ZFHX3: variants seen among roughly 807,000 people sequenced by gnomAD.
The protein encoded by ZFHX3 is zinc finger homeobox protein 3.
A neutral mutation model predicts 279.1 loss-of-function variants in ZFHX3; 42 were observed. The ratio of observed to expected loss-of-function variants is 0.15; its 90% CI spans 0.12 to 0.19. The LOEUF is 0.19. Among genes scored for constraint, ZFHX3 ranks in the 10% least tolerant of loss-of-function variants. ZFHX3 has a pLI of 1.00. For synonymous variants in ZFHX3, 2,293 were observed against 1,957.8 expected (o/e 1.17, Z -4.52); for missense variants, 4,981 against 4,754.0 (o/e 1.05, Z -1.40).
intron 2 of ZFHX3, among the ~76,000 whole-genome samples, chr16:73,480,922 C>T (rs2018854042): frequency 6.6e-6 from 1 of 152,188 alleles, no homozygotes; most frequent in Non-Finnish European, 1.5e-5. Flanking sequence ...AATCACCCAA[C>T]AGAATGTTAT....
chr16:73,658,404 C>T (rs1392420683), intron 2 of ZFHX3, among the ~76,000 whole-genome samples: 1 of 152,134 alleles, frequency 6.6e-6, no homozygotes, highest in Admixed American at 6.5e-5. Context: ...TTCCTGGGTT[C>T]AAGCAATTCT....
chr16:73,435,073 G>C (rs1392770424), intron 3 of ZFHX3, among the ~76,000 whole-genome samples: 2 of 152,046 alleles, frequency 1.3e-5, no homozygotes, highest in Non-Finnish European at 2.9e-5. Flanking sequence ...GAACTGGCTG[G>C]CTGGCTGGCT....
chr16:73,811,142 C>A (rs1205584685), intron 1 of ZFHX3, among the ~76,000 whole-genome samples: 1 of 152,160 alleles, frequency 6.6e-6, no homozygotes, highest in Non-Finnish European at 1.5e-5. Flanking sequence ...TACCAGAACT[C>A]CTACCCTCTA....
intron 6 of ZFHX3, among the ~76,000 whole-genome samples, chr16:73,139,500 A>T (rs1440164797): frequency 6.6e-6 from 1 of 152,266 alleles, no homozygotes; most frequent in Non-Finnish European, 1.5e-5. Flanking sequence ...TCAGAAAAAT[A>T]AAGCTTAAAG....
chr16:73,222,018 T>C (rs1597227820), intron 5 of ZFHX3, among the ~76,000 whole-genome samples: 1 of 152,130 alleles, frequency 6.6e-6, no homozygotes, highest in Non-Finnish European at 1.5e-5. Flanking sequence ...AAATTTTCCC[T>C]ATTATACATA....
At chr16:73,694,980 G>A (rs1455058949) in intron 1 of ZFHX3, among the ~76,000 whole-genome samples, 1 of 152,222 alleles carries the variant, frequency 6.6e-6, no homozygotes, top group Non-Finnish European at 1.5e-5. Flanking sequence ...TGAGGCAGTT[G>A]AGAGCCACGG....
At chr16:73,103,171 C>T (rs377353338) in intron 7 of ZFHX3, among the ~76,000 whole-genome samples, 9 of 152,276 alleles carry the variant, frequency 5.9e-5, no homozygotes, top group African/African-American at 1.4e-4. Flanking sequence ...GTGATCCACC[C>T]GCTTCCGCCT....
rs753373509 is a variant in ZFHX3 at position 72,788,103 on chromosome 16, C to T, written c.10173G>A (p.Val3391=). Residue 3391 remains valine (V), a synonymous_variant, in exon 10 of 10, where the codon GTG becomes GTA. Coordinates refer to ENST00000268489, the MANE Select transcript of ZFHX3 (RefSeq NM_006885.4). ...RQLQQQQQQK[V]QQQQPKASQT... ...GGCTTGCTTTGGGCTGCTGCTGCTGCACTTTTTGCTGCTGCTGCTGCTGTA... is the reference window on the plus strand; with the variant it reads ...GGCTTGCTTTGGGCTGCTGCTGCTGTACTTTTTGCTGCTGCTGCTGCTGTA... The T allele has an allele frequency of 3.7e-6, 6 of 1,608,384 alleles. No homozygotes were observed. The highest frequency in any genetic ancestry group is 1.3e-5 in the African/African-American group (1 of 74,776).
intron 3 of ZFHX3, among the ~76,000 whole-genome samples, chr16:73,423,053 A>C (rs898300171): frequency 6.6e-6 from 1 of 152,130 alleles, no homozygotes; most frequent in Non-Finnish European, 1.5e-5. Flanking sequence ...TAAGAATCCC[A>C]GTCAAATTGG....
chr16:73,179,716 G>A (rs2144876776), intron 5 of ZFHX3, among the ~76,000 whole-genome samples: 1 of 152,244 alleles, frequency 6.6e-6, no homozygotes, highest in East Asian at 1.9e-4. Flanking sequence ...GAATAACAGG[G>A]TCCTTTATAC....
intron 3 of ZFHX3, among the ~76,000 whole-genome samples, chr16:73,378,734 C>T (rs1049386048): frequency 5.3e-5 from 8 of 152,128 alleles, no homozygotes; most frequent in African/African-American, 1.9e-4. Flanking sequence ...ACATATTCCT[C>T]CCCCCATGCT....
At chr16:73,579,116 C>T (rs952458726) in intron 2 of ZFHX3, among the ~76,000 whole-genome samples, 1 of 152,216 alleles carries the variant, frequency 6.6e-6, no homozygotes, top group Non-Finnish European at 1.5e-5. Flanking sequence ...ACCTTAGTCT[C>T]CACAACCTCT....
At chr16:73,609,208 A>G (rs1356529915) in intron 2 of ZFHX3, 1 of 152,206 alleles carries the variant, frequency 6.6e-6, no homozygotes, top group African/African-American at 2.4e-5. Context: ...ATGCAAATAC[A>G]TTTGATTTGC....
At chr16:73,298,161 A>G (rs564427083) in intron 4 of ZFHX3, among the ~76,000 whole-genome samples, 7 of 151,732 alleles carry the variant, frequency 4.6e-5, no homozygotes, top group Non-Finnish European at 1.0e-4. Flanking sequence ...ACTGTATTCC[A>G]GCCTGAGTGA....
intron 1 of ZFHX3, among the ~76,000 whole-genome samples, chr16:73,020,350 A>T (rs569406518): frequency 6.6e-6 from 1 of 152,318 alleles, no homozygotes; most frequent in East Asian, 1.9e-4. Flanking sequence ...TGATGTTGCT[A>T]TCACACTATC....
chr16:73,064,902 G>A (rs1011352214), intron 8 of ZFHX3, among the ~76,000 whole-genome samples: 4 of 152,254 alleles, frequency 2.6e-5, no homozygotes, highest in Non-Finnish European at 5.9e-5. Flanking sequence ...TTCCCTTTTG[G>A]TGACCTGGTA....
chr16:73,115,657 G>A (rs1471384854), intron 7 of ZFHX3, among the ~76,000 whole-genome samples: 1 of 152,150 alleles, frequency 6.6e-6, no homozygotes, highest in African/African-American at 2.4e-5. Flanking sequence ...CTCAAGGGCA[G>A]GCGTAGGGCT....
At chr16:73,298,057 G>A (rs1206160143) in intron 4 of ZFHX3, among the ~76,000 whole-genome samples, 2 of 151,542 alleles carry the variant, frequency 1.3e-5, no homozygotes, top group Non-Finnish European at 2.9e-5. Context: ...CAGGCATGGT[G>A]GCATGTGCCT....
At chr16:73,332,081 C>G (rs2015816355) in intron 3 of ZFHX3, among the ~76,000 whole-genome samples, 1 of 152,188 alleles carries the variant, frequency 6.6e-6, no homozygotes, top group African/African-American at 2.4e-5. Context: ...CCTGATCCAA[C>G]AAAGTAATAT....
Sources: gnomAD v4.1 joint callset for allele counts (sites outside exome capture counted in the v4.1 genomes callset) on GRCh38, gnomAD v4.1.1 for gene constraint, MANE v1.5 for transcripts, NCBI Gene and HGNC (gene_info 2026-07-23, HGNC 2026-07-21) for gene names.